Variants in TENM4 observed in about 807,000 individuals in gnomAD.
The protein encoded by TENM4 is teneurin-4.
TENM4 carries 82 observed loss-of-function variants against 243.3 expected under a neutral mutation model. That is an observed-to-expected ratio of 0.34 (90% confidence interval 0.28 to 0.40). The LOEUF (loss-of-function observed/expected upper bound fraction) is 0.40, where lower values mean the gene tolerates loss of function less well. Among genes scored for constraint, TENM4 ranks in the 10% least tolerant of loss-of-function variants. The pLI is 1.00. For synonymous variants in TENM4, 1,412 were observed against 1,456.3 expected (o/e 0.97, Z 0.69); for missense variants, 3,138 against 3,673.3 (o/e 0.85, Z 3.77).
intron 4 of TENM4, among the ~76,000 whole-genome samples, chr11:79,143,175 G>C (rs1271161840): frequency 6.6e-6 from 1 of 152,080 alleles, no homozygotes; most frequent in African/African-American, 2.4e-5. Context: ...CCCATTACTG[G>C]CTATATACCC....
intron 32 of TENM4, among the ~76,000 whole-genome samples, chr11:78,665,900 C>T (rs1264364859): frequency 6.6e-6 from 1 of 152,152 alleles, no homozygotes; most frequent in Non-Finnish European, 1.5e-5. Flanking sequence ...GTTGAATCCA[C>T]CTAAGGGGTT....
intron 2 of TENM4, among the ~76,000 whole-genome samples, chr11:79,272,367 A>C (rs1193999165): frequency 6.6e-6 from 1 of 152,184 alleles, no homozygotes; most frequent in Non-Finnish European, 1.5e-5. Flanking sequence ...AAATGACAAC[A>C]ATTTTAATGA....
chr11:78,759,247 C>G (rs1783954), intron 18 of TENM4, among the ~76,000 whole-genome samples: 119,283 of 152,068 alleles, frequency 0.78, 47,369 homozygotes, highest in Non-Finnish European at 0.84. Flanking sequence ...CAGTCGGCAG[C>G]CTCCATCACA....
In TENM4 at chr11:78,735,431, T is replaced by C. The variant is rs184755263; in HGVS notation, c.2877-2854A>G. Among the ~76,000 whole-genome samples the C allele has an allele frequency of 2.0e-4, 31 of 152,354 alleles. 1 individual carries two copies. The highest frequency in any genetic ancestry group is 1.8e-3 in the Admixed American group (28 of 15,308). On this transcript the variant is annotated intron_variant, in intron 20 of 33. Transcript: ENST00000278550. ...TCAAACAGAATTTTAGCCAGACTTA[T>C]AAGCTCCCTTCATGAGAGGCTGTAT... is the stretch of plus-strand genomic sequence containing the variant.
At chr11:79,396,079 C>T (rs1590935735) in intron 1 of TENM4, among the ~76,000 whole-genome samples, 1 of 152,164 alleles carries the variant, frequency 6.6e-6, no homozygotes, top group African/African-American at 2.4e-5. Context: ...TCAGACCTTC[C>T]CCCTGCCTAT....
At chr11:79,134,532 T>C (rs897571942) in intron 4 of TENM4, among the ~76,000 whole-genome samples, 3 of 152,104 alleles carry the variant, frequency 2.0e-5, no homozygotes, top group Non-Finnish European at 2.9e-5. Flanking sequence ...AGAGCCTGCA[T>C]AGCCAAAGCA....
chr11:79,008,559 G>A (rs1858552741), intron 6 of TENM4, among the ~76,000 whole-genome samples: 1 of 152,102 alleles, frequency 6.6e-6, no homozygotes, highest in South Asian at 2.1e-4. Context: ...TAAACACTTT[G>A]AAGCCATGAA....
chr11:79,412,812 A>G (rs1461303949), intron 1 of TENM4, among the ~76,000 whole-genome samples: 2 of 152,156 alleles, frequency 1.3e-5, no homozygotes, highest in African/African-American at 4.8e-5. Context: ...ATCTGCTCCC[A>G]TAACATTCTG....
intron 1 of TENM4, among the ~76,000 whole-genome samples, chr11:79,329,562 T>A (rs1465634929): frequency 6.6e-6 from 1 of 152,086 alleles, no homozygotes; most frequent in Admixed American, 6.5e-5. Context: ...GGGGTGGTAG[T>A]CAAGGAAGAC....
Position 79,212,157 on chromosome 11 carries a change from G to C in TENM4, c.-163+3651C>G, listed in dbSNP as rs148445557. Among the ~76,000 whole-genome samples, 136 of 152,288 alleles carry C rather than the reference G, an allele frequency of 8.9e-4. 1 individual carries two copies. Among genetic ancestry groups the C allele is most frequent in the African/African-American group, 3.2e-3 (131 of 41,560 alleles). On this transcript the variant is annotated intron_variant, in intron 3 of 33. Transcript: ENST00000278550. ...TGCAAGGTCTTGTGACATTTAATGA[G>C]ACAGAGAGAGAAAAACATGATGTGG...
At chr11:79,303,079 G>A (rs1856574956) in intron 1 of TENM4, among the ~76,000 whole-genome samples, 1 of 152,184 alleles carries the variant, frequency 6.6e-6, no homozygotes, top group Non-Finnish European at 1.5e-5. Flanking sequence ...TAGTTGGGAA[G>A]ACAAGACCAA....
intron 1 of TENM4, among the ~76,000 whole-genome samples, chr11:79,328,977 G>A (rs189679460): frequency 5.9e-5 from 9 of 152,240 alleles, no homozygotes; most frequent in Admixed American, 5.9e-4. Context: ...AAAAGCTACC[G>A]TCTCTACAAA....
At chr11:78,793,389 A>C (rs2136055070) in intron 15 of TENM4, among the ~76,000 whole-genome samples, 1 of 152,332 alleles carries the variant, frequency 6.6e-6, no homozygotes, top group East Asian at 1.9e-4. Context: ...CCTCCTGGGA[A>C]GTCCTTTCAT....
chr11:79,411,183 C>A (rs544513383), intron 1 of TENM4, among the ~76,000 whole-genome samples: 1 of 152,284 alleles, frequency 6.6e-6, no homozygotes, highest in Admixed American at 6.5e-5. Context: ...ACTCCTGAAC[C>A]CTTGATCTTC....
At chr11:79,037,954 A>G (rs1159450973) in intron 6 of TENM4, among the ~76,000 whole-genome samples, 1 of 152,190 alleles carries the variant, frequency 6.6e-6, no homozygotes, top group African/African-American at 2.4e-5. Context: ...CTCAGAACCA[A>G]TGCTTGACAG....
intron 12 of TENM4, among the ~76,000 whole-genome samples, chr11:78,853,526 C>T (rs555567986): frequency 6.6e-5 from 10 of 152,244 alleles, no homozygotes; most frequent in African/African-American, 2.4e-4. Context: ...TCATTTATTT[C>T]GCACATCAGG....
intron 1 of TENM4, among the ~76,000 whole-genome samples, chr11:79,307,133 C>G (rs978667515): frequency 3.9e-5 from 6 of 152,148 alleles, no homozygotes; most frequent in African/African-American, 1.4e-4. Flanking sequence ...CACAACAACC[C>G]TATAAAGTCG....
intron 4 of TENM4, among the ~76,000 whole-genome samples, chr11:79,106,582 C>T (rs1861375536): frequency 6.6e-6 from 1 of 152,248 alleles, no homozygotes; most frequent in Non-Finnish European, 1.5e-5. Flanking sequence ...GTCCTCTTGC[C>T]TGTCCCTGAA....
chr11:78,916,420 A>G (rs2136370234), intron 6 of TENM4, among the ~76,000 whole-genome samples: 2 of 152,198 alleles, frequency 1.3e-5, no homozygotes, highest in East Asian at 3.9e-4. Flanking sequence ...CAGAAATCTT[A>G]TTTGCTTTTC....
Sources: gnomAD v4.1 joint callset for allele counts (sites outside exome capture counted in the v4.1 genomes callset) on GRCh38, gnomAD v4.1.1 for gene constraint, MANE v1.5 for transcripts, NCBI Gene and HGNC (gene_info 2026-07-23, HGNC 2026-07-21) for gene names.